PDE11A: variants seen among roughly 807,000 people sequenced by gnomAD.
PDE11A encodes the protein dual 3',5'-cyclic-AMP and -GMP phosphodiesterase 11A.
Under a neutral mutation model 100.5 loss-of-function variants are expected in PDE11A, and 100 were observed. The observed-to-expected ratio is 1.00, with a 90% CI of 0.85 to 1.18. The LOEUF (loss-of-function observed/expected upper bound fraction) is 1.18. Among genes scored for constraint, PDE11A ranks in the 50% most tolerant of loss-of-function variants. The probability of loss-of-function intolerance (pLI) is 0.00; values close to 1 mark genes in which losing one functional copy is unlikely to be tolerated. For synonymous variants in PDE11A, 381 were observed against 420.8 expected (o/e 0.91, Z 1.16); for missense variants, 1,141 against 1,152.6 (o/e 0.99, Z 0.15).
intron 10 of PDE11A, among the ~76,000 whole-genome samples, chr2:177,767,648 A>C (rs968481660): frequency 6.6e-6 from 1 of 152,040 alleles, no homozygotes; most frequent in Admixed American, 6.6e-5. Context: ...ATTAAGTAAA[A>C]TTTATATGAA....
chr2:178,067,720 A>C (rs1309100714), intron 1 of PDE11A, among the ~76,000 whole-genome samples: 1 of 152,182 alleles, frequency 6.6e-6, no homozygotes, highest in Non-Finnish European at 1.5e-5. Flanking sequence ...TGGACAGTAC[A>C]TGGCTGTCTA....
At chr2:178,029,740 T>C (rs1016439088) in intron 1 of PDE11A, among the ~76,000 whole-genome samples, 24 of 152,212 alleles carry the variant, frequency 1.6e-4, no homozygotes, top group African/African-American at 5.3e-4. Flanking sequence ...GGTTTAAATG[T>C]TTTTCCCCCT....
At chr2:178,032,160 C>T (rs1052577284) in intron 1 of PDE11A, among the ~76,000 whole-genome samples, 5 of 151,912 alleles carry the variant, frequency 3.3e-5, no homozygotes, top group African/African-American at 1.2e-4. Flanking sequence ...ATCCTACACC[C>T]TAACACAAAA....
rs531648331 is a variant in PDE11A, at chr2:178,049,724, G to T, written c.912+21802C>A. On this transcript the variant is annotated intron_variant, in intron 1 of 19. Coordinates refer to ENST00000286063, the MANE Select transcript of PDE11A (RefSeq NM_016953.4). ...TTACATCCCATGCCTGGCTTGGAGG[G>T]TCCCACACCCACGGAGTCTTGCTCA... 3.3e-5 allele frequency among the ~76,000 whole-genome samples: 5 copies of T among 152,246 alleles called. No homozygotes were observed. The South Asian group carries it at 8.3e-4, about 25-fold the overall frequency.
At position 177,658,827 on chromosome 2, in the gene PDE11A, T is replaced by C. The variant is rs1218247292; in HGVS notation, c.2646+5039A>G. Reference sequence around the variant, plus strand: ...GAAAGTGTCCTGGAGTAGCACCTTATATCCTCTTTTCTAGTTTGTCAGTTT... The same window carrying C: ...GAAAGTGTCCTGGAGTAGCACCTTACATCCTCTTTTCTAGTTTGTCAGTTT... On this transcript the variant is annotated intron_variant, in intron 19 of 19. Coordinates refer to ENST00000286063, the MANE Select transcript of PDE11A (RefSeq NM_016953.4). Among the ~76,000 whole-genome samples, 4 of 152,100 alleles carry C rather than the reference T, an allele frequency of 2.6e-5. No homozygotes were observed. In the South Asian group the frequency reaches 8.4e-4, roughly 32 times the overall value.
At chr2:178,050,957 C>A (rs900463365) in intron 1 of PDE11A, among the ~76,000 whole-genome samples, 1 of 152,190 alleles carries the variant, frequency 6.6e-6, no homozygotes, top group Admixed American at 6.5e-5. Flanking sequence ...AGGAGAACTT[C>A]CCCAACCTAG....
chr2:178,021,851 A>G (rs1338964909), intron 1 of PDE11A, among the ~76,000 whole-genome samples: 1 of 152,234 alleles, frequency 6.6e-6, no homozygotes, highest in Non-Finnish European at 1.5e-5. Flanking sequence ...TAGTATCTCT[A>G]AAGTCCAGAG....
intron 5 of PDE11A, among the ~76,000 whole-genome samples, chr2:177,848,096 A>G (rs1262801518): frequency 6.6e-6 from 1 of 152,196 alleles, no homozygotes; most frequent in African/African-American, 2.4e-5. Context: ...GTTGAAGACT[A>G]ATGGTTGATT....
intron 4 of PDE11A, among the ~76,000 whole-genome samples, chr2:177,879,474 T>C (rs1271782005): frequency 6.6e-6 from 1 of 152,198 alleles, no homozygotes; most frequent in African/African-American, 2.4e-5. Context: ...GGCAGTGTAG[T>C]GTACAATGGA....
chr2:178,102,197 G>A (rs2087567502), intron 2 of PDE11A, among the ~76,000 whole-genome samples: 1 of 151,870 alleles, frequency 6.6e-6, no homozygotes, highest in African/African-American at 2.4e-5. Flanking sequence ...CATGATCTTG[G>A]CTCATCACAA....
At chr2:177,698,758 C>T (rs2081154933) in intron 14 of PDE11A, among the ~76,000 whole-genome samples, 1 of 152,160 alleles carries the variant, frequency 6.6e-6, no homozygotes, top group African/African-American at 2.4e-5. Context: ...CAAATGAGCT[C>T]TTCAGACCCT....
intron 17 of PDE11A, among the ~76,000 whole-genome samples, chr2:177,670,227 C>T (rs1488652849): frequency 2.0e-5 from 3 of 152,158 alleles, no homozygotes; most frequent in East Asian, 3.9e-4. Context: ...TGGATCTACG[C>T]ACTAAAAGTG....
intron 4 of PDE11A, among the ~76,000 whole-genome samples, chr2:177,882,049 C>G (rs2084351888): frequency 6.6e-6 from 1 of 152,074 alleles, no homozygotes; most frequent in South Asian, 2.1e-4. Flanking sequence ...TTTTAGGCAC[C>G]AGGGTAAGTG....
At chr2:177,934,219 A>T (rs1258970239) in intron 2 of PDE11A, among the ~76,000 whole-genome samples, 4 of 152,218 alleles carry the variant, frequency 2.6e-5, no homozygotes, top group Non-Finnish European at 5.9e-5. Context: ...TGGAAAAAAC[A>T]TTTGCAAACT....
intron 5 of PDE11A, among the ~76,000 whole-genome samples, chr2:177,845,768 T>G (rs1239759859): frequency 6.6e-6 from 1 of 152,176 alleles, no homozygotes; most frequent in Non-Finnish European, 1.5e-5. Flanking sequence ...CGAGACTCCG[T>G]CTGCAATCCC....
At chr2:177,670,960 A>G (rs2080670217) in intron 17 of PDE11A, among the ~76,000 whole-genome samples, 2 of 152,250 alleles carry the variant, frequency 1.3e-5, no homozygotes, top group South Asian at 4.2e-4. Context: ...CTAGGACTCA[A>G]TTCACTTGTC....
intron 12 of PDE11A, among the ~76,000 whole-genome samples, chr2:177,718,712 G>A (rs977406460): frequency 1.9e-4 from 29 of 152,154 alleles, no homozygotes; most frequent in Admixed American, 1.5e-3. Flanking sequence ...AATTACAGTT[G>A]GCTTAAATTT....
At chr2:177,842,133 A>C (rs2083501581) in intron 5 of PDE11A, among the ~76,000 whole-genome samples, 1 of 152,184 alleles carries the variant, frequency 6.6e-6, no homozygotes. Context: ...TGTGTACTTT[A>C]TTCCACATTT....
At chr2:177,769,910 G>A (rs114834588) in intron 9 of PDE11A, among the ~76,000 whole-genome samples, 1,995 of 140,966 alleles carry the variant, frequency 0.014, 36 homozygotes, top group East Asian at 0.047. Flanking sequence ...AAAAAAAAAG[G>A]CATGCTGTGG....
Sources: gnomAD v4.1 joint callset for allele counts (sites outside exome capture counted in the v4.1 genomes callset) on GRCh38, gnomAD v4.1.1 for gene constraint, MANE v1.5 for transcripts, NCBI Gene and HGNC (gene_info 2026-07-23, HGNC 2026-07-21) for gene names.